The following PAK5 variants were observed in gnomAD, a reference collection of about 807,000 sequenced individuals.
PAK5 encodes the protein serine/threonine-protein kinase PAK 5.
In PAK5, 16 loss-of-function variants were observed where a neutral mutation model predicts 65.9. The observed-to-expected ratio is 0.24, with a 90% CI of 0.16 to 0.37. The LOEUF (loss-of-function observed/expected upper bound fraction) is 0.37, where lower values mean the gene tolerates loss of function less well. PAK5 is among the 10% of genes least tolerant of loss of function. PAK5 has a pLI of 1.00. For missense variants in PAK5, 785 were observed against 903.9 expected, an observed-to-expected ratio of 0.87 and a Z score of 1.69; for synonymous variants, 371 against 354.9, an observed-to-expected ratio of 1.05 and a Z score of -0.51.
intron 3 of PAK5, among the ~76,000 whole-genome samples, chr20:9,640,434 G>C (rs2047039474): frequency 6.6e-6 from 1 of 151,946 alleles, no homozygotes; most frequent in Non-Finnish European, 1.5e-5. Context: ...GTATATATGT[G>C]CAACATTTTC....
intron 1 of PAK5, among the ~76,000 whole-genome samples, chr20:9,738,237 C>T (rs6141021): frequency 0.5 from 75,436 of 151,426 alleles, 18,856 homozygotes; most frequent in South Asian, 0.63. Context: ...TTGTATAACC[C>T]ACTTTGGAAA....
intron 3 of PAK5, among the ~76,000 whole-genome samples, chr20:9,607,815 C>T (rs1600133607): frequency 6.6e-6 from 1 of 151,390 alleles, no homozygotes; most frequent in Non-Finnish European, 1.5e-5. Flanking sequence ...GGCAATGCAA[C>T]AAGACTCTGT....
At chr20:9,546,065 T>G (rs1161504732) in intron 7 of PAK5, among the ~76,000 whole-genome samples, 1 of 152,108 alleles carries the variant, frequency 6.6e-6, no homozygotes, top group Non-Finnish European at 1.5e-5. Flanking sequence ...GAAGAACAAG[T>G]GCATTAATAT....
chr20:9,829,433 A>T (rs535748277), intron 1 of PAK5, among the ~76,000 whole-genome samples: 1 of 152,224 alleles, frequency 6.6e-6, no homozygotes, highest in Non-Finnish European at 1.5e-5. Flanking sequence ...ATCTAGCTGC[A>T]TGATATTTTG....
In PAK5 at chr20:9,718,998, C is replaced by G. The variant is rs140147420; in HGVS notation, c.-161-7563G>C. 2.8e-3 allele frequency among the ~76,000 whole-genome samples: 420 copies of G among 152,282 alleles called. 4 individuals are homozygous for G. The highest frequency in any genetic ancestry group is 9.5e-3 in the African/African-American group (394 of 41,520). On this transcript the variant is annotated intron_variant, in intron 1 of 9. Transcript: ENST00000353224. The stretch of plus-strand genomic sequence containing the variant: ...ACAACATCACATTTGTTTCCTGCTC[C>G]TCATCTGCCCCCCTGTGATCTTTGT...
Position 9,636,467 on chromosome 20 carries a change from G to T in PAK5, c.204+7658C>A, listed in dbSNP as rs1004254160. Among the ~76,000 whole-genome samples, 12 of 152,160 alleles carry T rather than the reference G, an allele frequency of 7.9e-5. 1 individual carries two copies. Among genetic ancestry groups the T allele is most frequent in the African/African-American group, 2.9e-4 (12 of 41,446 alleles). ...TACTCAGCAGCAGTCGATAAAAAAGGAAGAGACAGAACCTCAGCTTTGAAA... is the reference window on the plus strand; with the variant it reads ...TACTCAGCAGCAGTCGATAAAAAAGTAAGAGACAGAACCTCAGCTTTGAAA... On this transcript the variant is annotated intron_variant, in intron 3 of 9. Transcript: ENST00000353224.
chr20:9,732,302 G>A lies in PAK5; in HGVS notation c.-161-20867C>T, dbSNP rs117084715. On this transcript the variant is annotated intron_variant, in intron 1 of 9. Transcript: ENST00000353224. Reference sequence around the variant, plus strand: ...AGTAATACTTAAAGTGTGCTTTCTAGGGTAAATTTTCATTTGCATTCCAGG... The same window carrying A: ...AGTAATACTTAAAGTGTGCTTTCTAAGGTAAATTTTCATTTGCATTCCAGG... Among the ~76,000 whole-genome samples, 78 of 152,268 alleles carry A rather than the reference G, an allele frequency of 5.1e-4. 2 individuals carry two copies. In the East Asian group the frequency reaches 0.014, roughly 28 times the overall value.
At chr20:9,678,535 C>G (rs544050063) in intron 2 of PAK5, among the ~76,000 whole-genome samples, 3 of 152,268 alleles carry the variant, frequency 2.0e-5, no homozygotes, top group African/African-American at 7.2e-5. Flanking sequence ...CCACTGCACT[C>G]CAGCCTGGGT....
At chr20:9,559,984 C>A (rs1475209154) in intron 6 of PAK5, among the ~76,000 whole-genome samples, 1 of 152,182 alleles carries the variant, frequency 6.6e-6, no homozygotes, top group African/African-American at 2.4e-5. Context: ...GACAAGCTCA[C>A]ATATACCTTC....
At chr20:9,589,151 A>G (rs1452478817) in intron 3 of PAK5, among the ~76,000 whole-genome samples, 1 of 152,250 alleles carries the variant, frequency 6.6e-6, no homozygotes, top group Non-Finnish European at 1.5e-5. Context: ...AGGTAAATAT[A>G]GCTCAGGAGG....
At chr20:9,588,331 A>G (rs2046106224) in intron 3 of PAK5, among the ~76,000 whole-genome samples, 1 of 152,262 alleles carries the variant, frequency 6.6e-6, no homozygotes, top group Admixed American at 6.5e-5. Context: ...CTTGGATTTC[A>G]TTTCCATGGT....
chr20:9,662,884 C>T (rs1489856441), intron 2 of PAK5, among the ~76,000 whole-genome samples: 1 of 152,070 alleles, frequency 6.6e-6, no homozygotes, highest in African/African-American at 2.4e-5. Flanking sequence ...GGTCACTCAG[C>T]TAGCTAGTGG....
intron 3 of PAK5, among the ~76,000 whole-genome samples, chr20:9,588,533 C>A (rs902637535): frequency 2.0e-5 from 3 of 152,096 alleles, no homozygotes; most frequent in Admixed American, 1.3e-4. Context: ...AAATCAGAAC[C>A]AAGGCAGTAT....
rs550537860 is a variant in PAK5 at position 9,802,396 on chromosome 20, G to A, written c.-162+36366C>T. Among the ~76,000 whole-genome samples the A allele has an allele frequency of 1.8e-4, 27 of 152,134 alleles. No individual in the cohort carries two copies. In the East Asian group the frequency reaches 5.0e-3, roughly 28 times the overall value. Reference sequence around the variant, plus strand: ...GAAGGGCATATGAACAATGATAAACGCAGACATTTTATAAATATGGGAGAA... The same window carrying A: ...GAAGGGCATATGAACAATGATAAACACAGACATTTTATAAATATGGGAGAA... On this transcript the variant is annotated intron_variant, in intron 1 of 9. Transcript: ENST00000353224.
intron 1 of PAK5, among the ~76,000 whole-genome samples, chr20:9,777,889 G>A (rs563773421): frequency 1.3e-5 from 2 of 152,120 alleles, no homozygotes; most frequent in Non-Finnish European, 2.9e-5. Flanking sequence ...CACAAATTAG[G>A]GATTAGACAA....
intron 4 of PAK5, among the ~76,000 whole-genome samples, chr20:9,573,006 G>T (rs1244214314): frequency 6.6e-6 from 1 of 152,050 alleles, no homozygotes; most frequent in African/African-American, 2.4e-5. Context: ...AATTGTCATT[G>T]AAAATTGGAT....
intron 1 of PAK5, among the ~76,000 whole-genome samples, chr20:9,788,768 G>C (rs1011788069): frequency 6.6e-6 from 1 of 152,078 alleles, no homozygotes; most frequent in Non-Finnish European, 1.5e-5. Context: ...GGATAACAAA[G>C]GGGTTCCAAG....
At position 9,778,499 on chromosome 20, in the gene PAK5, A is replaced by G. The variant is rs1377678050; in HGVS notation, c.-162+60263T>C. On this transcript the variant is annotated intron_variant, in intron 1 of 9. Transcript: ENST00000353224. ...CCAATCCACCTACATTGGCCTCCCA[A>G]AGGACTGGGATTACAGGTGTGAGTC... is the stretch of plus-strand genomic sequence containing the variant. Among the ~76,000 whole-genome samples, 3 of 152,190 alleles carry G rather than the reference A, an allele frequency of 2.0e-5. No individual in the cohort carries two copies. In the East Asian group the frequency reaches 5.8e-4, roughly 29 times the overall value.
intron 1 of PAK5, among the ~76,000 whole-genome samples, chr20:9,768,711 C>T (rs991956360): frequency 7.3e-5 from 10 of 137,598 alleles, no homozygotes; most frequent in East Asian, 2.4e-4. Flanking sequence ...TGAATCCAGG[C>T]GGCTGAGGTT....
Sources: allele counts gnomAD v4.1 joint callset (sites outside exome capture counted in the v4.1 genomes callset), GRCh38; gene constraint gnomAD v4.1.1; transcripts MANE v1.5; gene names NCBI Gene and HGNC (gene_info 2026-07-23, HGNC 2026-07-21).